Variants in TSBP1 observed in about 807,000 individuals in gnomAD.
The protein encoded by TSBP1 is testis expressed basic protein 1.
A neutral mutation model predicts 68.8 loss-of-function variants in TSBP1; 56 were observed. The ratio of observed to expected loss-of-function variants is 0.81; its 90% CI spans 0.66 to 1.02. TSBP1 has a LOEUF of 1.02. Among genes scored for constraint, TSBP1 ranks in the 50% least tolerant of loss-of-function variants. TSBP1 has a pLI of 0.00. For missense variants in TSBP1, 502 were observed against 641.2 expected (o/e 0.78, Z 2.34); for synonymous variants, 171 against 208.7 (o/e 0.82, Z 1.56).
intron 9 of TSBP1, among the ~76,000 whole-genome samples, chr6:32,346,011 T>TCCTCATCTTAAGGATGCTTATCATCATAA (rs1268210715): frequency 2.1e-5 from 1 of 48,524 alleles, no homozygotes. Context: ...TCATTTTTTT[T>TCCTCATCTTAAGGATGCTTATCATCATAA]TTTTTTTTTT....
At chr6:32,358,376 T>A (rs183613112) in intron 6 of TSBP1, among the ~76,000 whole-genome samples, 1 of 152,204 alleles carries the variant, frequency 6.6e-6, no homozygotes. Flanking sequence ...ACAAGTCATA[T>A]CTTAATGTGA....
chr6:32,351,763 T>C (rs1771743348), intron 8 of TSBP1, among the ~76,000 whole-genome samples: 1 of 152,082 alleles, frequency 6.6e-6, no homozygotes, highest in Non-Finnish European at 1.5e-5. Flanking sequence ...GATTTTCCAT[T>C]GTGGGTGTGA....
At chr6:32,327,622 A>G (rs912858005) in intron 16 of TSBP1, among the ~76,000 whole-genome samples, 4 of 151,126 alleles carry the variant, frequency 2.6e-5, no homozygotes, top group African/African-American at 4.9e-5. Flanking sequence ...TCTTAAACTT[A>G]TATGTACTTT....
chr6:32,339,390 A>G (rs1770063307), intron 10 of TSBP1: 1 of 667,968 alleles, frequency 1.5e-6, no homozygotes, highest in Non-Finnish European at 2.8e-6. Flanking sequence ...TAAAAGAGAG[A>G]ACAGTAAAAT....
intron 9 of TSBP1, among the ~76,000 whole-genome samples, chr6:32,348,047 G>A (rs1771265624): frequency 6.6e-6 from 1 of 152,150 alleles, no homozygotes; most frequent in Admixed American, 6.5e-5. Flanking sequence ...ATCTAGAAAG[G>A]GAAATCATTG....
chr6:32,293,388 C>T, exon 23 of TSBP1: 1 of 1,612,932 alleles, frequency 6.2e-7, no homozygotes, highest in Non-Finnish European at 8.5e-7. Flanking sequence ...TCAGTCTTCT[C>T]TACTTGGCCT....
chr6:32,318,366 T>C (rs1767198902), intron 18 of TSBP1, among the ~76,000 whole-genome samples: 1 of 152,140 alleles, frequency 6.6e-6, no homozygotes, highest in East Asian at 1.9e-4. Context: ...AATACCTGGG[T>C]GATGAAATAA....
chr6:32,368,594 T>G (rs947416940), intron 3 of TSBP1, among the ~76,000 whole-genome samples, 188 bp downstream of exon 3: 2 of 152,178 alleles, frequency 1.3e-5, no homozygotes, highest in African/African-American at 4.8e-5. Flanking sequence ...CAACTCCAGT[T>G]TGGCATTCAG....
In TSBP1 at chr6:32,366,671, G is replaced by A. The variant is rs147442155; in HGVS notation, c.167-369C>T. Among the ~76,000 whole-genome samples, 874 of 147,794 alleles carry A rather than the reference G, an allele frequency of 5.9e-3. 5 individuals are homozygous for A. Among genetic ancestry groups the A allele is most frequent in the Middle Eastern group, 0.026 (7 of 266 alleles). On this transcript the variant is annotated intron_variant, in intron 4 of 22. Transcript: ENST00000612031. Reference sequence around the variant, plus strand: ...GTCACTGCTCAGAAGGCTGAGAGAGGAGAATGGCGTGAACCCGGGAGGCGG... The same window carrying A: ...GTCACTGCTCAGAAGGCTGAGAGAGAAGAATGGCGTGAACCCGGGAGGCGG...
At chr6:32,354,295 G>A (rs985149314) in intron 8 of TSBP1, among the ~76,000 whole-genome samples, 3 of 151,944 alleles carry the variant, frequency 2.0e-5, no homozygotes, top group African/African-American at 7.2e-5. Flanking sequence ...TTTATATAGG[G>A]TGAAGCCTCA....
In TSBP1 at chr6:32,301,552, C is replaced by CAA. The variant is rs9281725; in HGVS notation, c.602-854_602-853dup. Among the ~76,000 whole-genome samples, 461 of 141,050 alleles carry CAA rather than the reference C, an allele frequency of 3.3e-3. 1 individual carries two copies. The highest frequency in any genetic ancestry group is 9.7e-3 in the African/African-American group (374 of 38,442). 92.5% of individuals were successfully genotyped at this position (141,050 alleles called of 152,430 possible). A position where few individuals can be genotyped will look rare whatever the true frequency, so the allele number is the denominator to read the frequency against. ...CAACATAATGAGATCCCCATCTCTG[C>CAA]AAAAAAAAAAAGAAAAAATTAGCTG... On this transcript the variant is annotated intron_variant, in intron 20 of 22. Coordinates refer to ENST00000612031, the Ensembl canonical transcript of TSBP1.
chr6:32,293,779 A>G, exon 23 of TSBP1: 1 of 1,612,914 alleles, frequency 6.2e-7, no homozygotes, highest in South Asian at 1.1e-5. Context: ...TTGGTATTCC[A>G]GCGTCACTGT....
intron 19 of TSBP1, among the ~76,000 whole-genome samples, chr6:32,305,020 C>G (rs1459224369): frequency 6.6e-6 from 1 of 152,166 alleles, no homozygotes; most frequent in Non-Finnish European, 1.5e-5. Context: ...ACGCAGGCCT[C>G]CATAACAACT....
In TSBP1 at chr6:32,315,831, CA is replaced by C. The variant is rs1239813125; in HGVS notation, c.560-40del. The C allele has an allele frequency of 1.9e-5, 26 of 1,335,110 alleles. No individual in the cohort carries two copies. The highest frequency in any genetic ancestry group is 1.0e-4 in the South Asian group (8 of 77,304). The allele number at this position is 1,335,110 out of a possible 1,614,324, so 82.7% of individuals were successfully genotyped here. A position where few individuals can be genotyped will look rare whatever the true frequency, so the allele number is the denominator to read the frequency against. ...AAAAAGAAATCCATTTAATTTTTCT[CA>C]AATGGAGAAAACATAGCATTATCTA... On this transcript the variant is annotated intron_variant, in intron 18 of 22. Transcript: ENST00000612031. The surrounding 1 kb of genome is among the most constrained non-coding windows in gnomAD (Gnocchi z 5.4).
chr6:32,324,996 A>G (rs1245285855), intron 16 of TSBP1, among the ~76,000 whole-genome samples: 1 of 152,208 alleles, frequency 6.6e-6, no homozygotes, highest in African/African-American at 2.4e-5. Context: ...TGACTTATCT[A>G]GAAAGCAGAA....
rs9268261 is a variant in TSBP1 at position 32,343,209 on chromosome 6, C to A, written c.350-3571G>T. 2 of 1,342,502 alleles carry A rather than the reference C, an allele frequency of 1.5e-6. No homozygotes were observed. The highest frequency in any genetic ancestry group is 3.3e-5 in the Admixed American group (1 of 30,402). 83.2% of individuals were successfully genotyped at this position (1,342,502 alleles called of 1,614,324 possible). ...GCCTAGCATAGGAGCCCAACAACAC[C>A]AGAGTTTGAAACAAGAAGATAAACT... On this transcript the variant is annotated intron_variant, in intron 9 of 22. Transcript: ENST00000612031. The surrounding 1 kb of genome is among the most constrained non-coding windows in gnomAD (Gnocchi z 4.3).
Position 32,316,425 on chromosome 6 carries a change from T to G in TSBP1, c.560-633A>C. On this transcript the variant is annotated intron_variant, in intron 18 of 22. Coordinates refer to ENST00000612031, the Ensembl canonical transcript of TSBP1. The surrounding 1 kb of genome is among the most constrained non-coding windows in gnomAD (Gnocchi z 4.5). ...GTGCTGCCAGCTGACCTAAAAAAAT[T>G]AGATATCAGTGAAGATTTGTTTGAA... 1 of 1,551,966 alleles carries G rather than the reference T, an allele frequency of 6.4e-7. No homozygotes were observed. Among genetic ancestry groups the G allele is most frequent in the Non-Finnish European group, 8.7e-7 (1 of 1,147,006 alleles).
At chr6:32,350,248 G>GCC (rs1771573459) in intron 8 of TSBP1, 1 of 451,766 alleles carries the variant, frequency 2.2e-6, no homozygotes, top group Admixed American at 2.4e-5. Flanking sequence ...ATTCACTTGT[G>GCC]CCCTATGGAG....
rs2127564840 is a variant in TSBP1 at position 32,302,376 on chromosome 6, G to A, written c.601+233C>T. Among the ~76,000 whole-genome samples, 1 of 152,102 alleles carries A rather than the reference G, an allele frequency of 6.6e-6. No homozygotes were observed. The highest frequency in any genetic ancestry group is 2.4e-5 in the African/African-American group (1 of 41,486). Reference sequence around the variant, plus strand: ...AGGCTGAGGCAGGAGAATTGCTTGAGCCCAGGAGTGGAGGTTGTAGTGAAC... The same window carrying A: ...AGGCTGAGGCAGGAGAATTGCTTGAACCCAGGAGTGGAGGTTGTAGTGAAC... On this transcript the variant is annotated intron_variant, in intron 20 of 22. Transcript: ENST00000612031. The surrounding 1 kb of genome is among the most constrained non-coding windows in gnomAD (Gnocchi z 5.1).
Sources: gnomAD v4.1 joint callset for allele counts (sites outside exome capture counted in the v4.1 genomes callset) on GRCh38, gnomAD v4.1.1 for gene constraint, Gnocchi (gnomAD v3.1) non-coding constraint, MANE v1.5 for transcripts, NCBI Gene and HGNC (gene_info 2026-07-23, HGNC 2026-07-21) for gene names.